Variants in DYDC1 observed in about 807,000 individuals in gnomAD.
DYDC1 encodes DPY30 domain containing 1.
A neutral mutation model predicts 27.9 loss-of-function variants in DYDC1; 21 were observed. The observed-to-expected ratio is 0.75, with a 90% confidence interval of 0.53 to 1.08. The LOEUF is 1.08. Among genes scored for constraint, DYDC1 ranks in the 50% least tolerant of loss-of-function variants. The pLI, the probability that DYDC1 is intolerant of heterozygous loss-of-function variation, is 0.00. For missense variants in DYDC1, 202 were observed against 205.9 expected, an observed-to-expected ratio of 0.98 and a Z score of 0.12; for synonymous variants, 67 against 65.8, an observed-to-expected ratio of 1.02 and a Z score of -0.09.
At chr10:80,354,856 A>G (rs1843258703) in intron 1 of DYDC1, among the ~76,000 whole-genome samples, 1 of 152,208 alleles carries the variant, frequency 6.6e-6, no homozygotes, top group Non-Finnish European at 1.5e-5. Context: ...ATAAATGTGT[A>G]TTGTTTTTAA....
intron 3 of DYDC1, among the ~76,000 whole-genome samples, chr10:80,342,623 T>C (rs918863855): frequency 6.6e-6 from 1 of 152,214 alleles, no homozygotes; most frequent in Non-Finnish European, 1.5e-5. Context: ...ATTTTCCAGA[T>C]AAATTTCTTT....
chr10:80,339,122 C>A lies in DYDC1; in HGVS notation c.374G>T (p.Arg125Met). 1 of 1,382,930 alleles carries A rather than the reference C, an allele frequency of 7.2e-7. No individual in the cohort carries two copies. The highest frequency in any genetic ancestry group is 9.7e-7 in the Non-Finnish European group (1 of 1,025,670). 85.7% of individuals were successfully genotyped at this position (1,382,930 alleles called of 1,614,324 possible). A position where few individuals can be genotyped will look rare whatever the true frequency, so the allele number is the denominator to read the frequency against. Reference sequence around the variant, plus strand: ...CTCTGAATGTAGAATATCTTCATTCCTAACTAGATTTTCCATATTCATTCT... The same window carrying A: ...CTCTGAATGTAGAATATCTTCATTCATAACTAGATTTTCCATATTCATTCT... ...EMRMNMENLV[R>M]NEDILHSEEA... Residue 125 changes from arginine (R) to methionine (M), a missense_variant, in exon 5 of 7, where the codon AGG (arginine) becomes ATG (methionine). Coordinates refer to ENST00000372202, the MANE Select transcript of DYDC1 (RefSeq NM_001269053.2).
At chr10:80,354,785 C>T (rs1485458114) in intron 1 of DYDC1, among the ~76,000 whole-genome samples, 2 of 152,112 alleles carry the variant, frequency 1.3e-5, no homozygotes, top group African/African-American at 4.8e-5. Context: ...AGGGTCCTCA[C>T]CAGACACCAG....
chr10:80,353,472 T>C (rs1843133756), intron 1 of DYDC1, among the ~76,000 whole-genome samples: 1 of 150,460 alleles, frequency 6.6e-6, no homozygotes, highest in Non-Finnish European at 1.5e-5. Flanking sequence ...GACCAGATTG[T>C]TTTTAAAACA....
intron 6 of DYDC1, 102 bp downstream of exon 6, chr10:80,338,365 C>A (rs974398412): frequency 6.8e-6 from 10 of 1,461,392 alleles, no homozygotes; most frequent in Non-Finnish European, 9.0e-6. Flanking sequence ...TATTTGCCAA[C>A]CAATCCTGGC....
intron 3 of DYDC1, among the ~76,000 whole-genome samples, chr10:80,344,495 G>C (rs1043180143): frequency 1.3e-5 from 2 of 152,172 alleles, no homozygotes; most frequent in Non-Finnish European, 2.9e-5. Flanking sequence ...GGTCAATGCT[G>C]AGTTTGAAGT....
At chr10:80,347,899 T>A (rs1842765291) in intron 3 of DYDC1, among the ~76,000 whole-genome samples, 1 of 152,230 alleles carries the variant, frequency 6.6e-6, no homozygotes. Context: ...TAGTTCCAAC[T>A]TCGTTTTTCT....
At chr10:80,347,693 C>T (rs1432402755) in intron 3 of DYDC1, among the ~76,000 whole-genome samples, 2 of 152,132 alleles carry the variant, frequency 1.3e-5, no homozygotes, top group Non-Finnish European at 2.9e-5. Context: ...GTCCCAACAC[C>T]GTTCATTGAA....
At chr10:80,351,631 ATT>A (rs1842982594) in intron 3 of DYDC1, among the ~76,000 whole-genome samples, 2 of 152,252 alleles carry the variant, frequency 1.3e-5, no homozygotes, top group African/African-American at 2.4e-5. Context: ...CACACTCTGT[ATT>A]TTCCTCTTAC....
At chr10:80,338,787 AC>A (rs1466963257) in intron 5 of DYDC1, among the ~76,000 whole-genome samples, 4 of 152,214 alleles carry the variant, frequency 2.6e-5, no homozygotes, top group African/African-American at 9.7e-5. Flanking sequence ...AAATACTAGA[AC>A]TTTTTTTAAA....
At chr10:80,336,311 G>A (rs1842134227) in intron 6 of DYDC1, 126 bp from the exon 7 acceptor site, 1 of 1,375,624 alleles carries the variant, frequency 7.3e-7, no homozygotes, top group Admixed American at 3.8e-5. Context: ...GGGAGTTTCA[G>A]ATGATTTCAA....
chr10:80,342,994 A>G (rs1411689994), intron 3 of DYDC1, among the ~76,000 whole-genome samples: 7 of 151,060 alleles, frequency 4.6e-5, no homozygotes, highest in African/African-American at 7.3e-5. Flanking sequence ...AAAAAAAAAA[A>G]AAAAGAAAAG....
At chr10:80,340,024 G>T (rs1357253209) in intron 4 of DYDC1, among the ~76,000 whole-genome samples, 1 of 152,066 alleles carries the variant, frequency 6.6e-6, no homozygotes, top group Non-Finnish European at 1.5e-5. Context: ...CTAAAACAAG[G>T]CATCCATTCC....
intron 3 of DYDC1, among the ~76,000 whole-genome samples, chr10:80,347,521 G>C (rs1304205677): frequency 6.6e-6 from 1 of 151,988 alleles, no homozygotes; most frequent in Non-Finnish European, 1.5e-5. Context: ...AAAAATTATT[G>C]CCAAGACCAA....
intron 3 of DYDC1, among the ~76,000 whole-genome samples, chr10:80,343,395 C>T (rs889210808): frequency 3.3e-5 from 5 of 152,084 alleles, no homozygotes; most frequent in African/African-American, 1.2e-4. Flanking sequence ...CACTACAAAC[C>T]GCAGTAACAT....
intron 3 of DYDC1, among the ~76,000 whole-genome samples, chr10:80,347,066 C>G (rs541724366): frequency 6.6e-6 from 1 of 150,486 alleles, no homozygotes; most frequent in African/African-American, 2.5e-5. Flanking sequence ...GGTGAAAGAG[C>G]GAGACTCTGT....
At chr10:80,348,853 A>T (rs1399273524) in intron 3 of DYDC1, among the ~76,000 whole-genome samples, 1 of 152,254 alleles carries the variant, frequency 6.6e-6, no homozygotes. Context: ...ATTTTCAAGG[A>T]TGAAATGCAT....
intron 3 of DYDC1, among the ~76,000 whole-genome samples, chr10:80,349,292 A>G (rs61859196): frequency 0.099 from 15,060 of 152,296 alleles, 1,009 homozygotes; most frequent in South Asian, 0.27. Flanking sequence ...TAAATTCTCA[A>G]TAGTAAACCT....
intron 4 of DYDC1, among the ~76,000 whole-genome samples, chr10:80,341,068 T>C (rs2132750946): frequency 6.6e-6 from 1 of 152,320 alleles, no homozygotes; most frequent in Admixed American, 6.5e-5. Context: ...ATGAACATTG[T>C]CTATAAAACC....
Sources: allele counts gnomAD v4.1 joint callset (sites outside exome capture counted in the v4.1 genomes callset), GRCh38; gene constraint gnomAD v4.1.1; transcripts MANE v1.5; gene names NCBI Gene and HGNC (gene_info 2026-07-23, HGNC 2026-07-21).